LAMA2: variants seen among roughly 807,000 people sequenced by gnomAD.
LAMA2 encodes laminin subunit alpha-2.
A neutral mutation model predicts 364.8 loss-of-function variants in LAMA2; 269 were observed. The observed-to-expected ratio is 0.74, with a 90% CI of 0.67 to 0.82. The LOEUF is 0.82. Ranked by LOEUF, LAMA2 falls within the 40% of genes least tolerant of loss-of-function variation. The pLI, the probability that LAMA2 is intolerant of heterozygous loss-of-function variation, is 0.00. For synonymous variants in LAMA2, 1,379 were observed against 1,370.6 expected, an observed-to-expected ratio of 1.01 and a Z score of -0.14; for missense variants, 3,807 against 3,873.2, an observed-to-expected ratio of 0.98 and a Z score of 0.45.
chr6:129,017,776 T>C (rs933426437), intron 1 of LAMA2, among the ~76,000 whole-genome samples: 2 of 152,134 alleles, frequency 1.3e-5, no homozygotes, highest in Admixed American at 1.3e-4. Flanking sequence ...AACGCCATTA[T>C]TTCATTTATT....
chr6:129,226,119 G>A (rs1362896028), intron 12 of LAMA2, among the ~76,000 whole-genome samples: 1 of 152,072 alleles, frequency 6.6e-6, no homozygotes, highest in East Asian at 1.9e-4. Flanking sequence ...GATCTTTGTT[G>A]GTTTAATGTC....
At chr6:129,172,858 A>G (rs1417761300) in intron 9 of LAMA2, among the ~76,000 whole-genome samples, 2 of 152,246 alleles carry the variant, frequency 1.3e-5, no homozygotes, top group Non-Finnish European at 2.9e-5. Flanking sequence ...AGCCAGGTGC[A>G]GGATATAATC....
At chr6:129,019,227 C>A (rs1299357418) in intron 1 of LAMA2, among the ~76,000 whole-genome samples, 2 of 151,890 alleles carry the variant, frequency 1.3e-5, no homozygotes, top group Non-Finnish European at 2.9e-5. Flanking sequence ...TAACTCATTG[C>A]AATATACAAA....
At chr6:129,050,184 C>A in intron 2 of LAMA2, 96 bp downstream of exon 2, 1 of 1,186,432 alleles carries the variant, frequency 8.4e-7, no homozygotes, top group Middle Eastern at 2.5e-4. Context: ...GTTTGTAATA[C>A]TAAGAATTCC....
At chr6:129,010,840 G>A (rs1784726692) in intron 1 of LAMA2, among the ~76,000 whole-genome samples, 1 of 152,130 alleles carries the variant, frequency 6.6e-6, no homozygotes, top group South Asian at 2.1e-4. Context: ...TAGAGCTAAA[G>A]CAAATCTTGT....
intron 3 of LAMA2, among the ~76,000 whole-genome samples, chr6:129,084,005 A>G (rs1048265224): frequency 6.6e-6 from 1 of 152,086 alleles, no homozygotes; most frequent in Non-Finnish European, 1.5e-5. Context: ...TTTCTTTACC[A>G]CTCTATATTA....
chr6:128,995,379 T>C (rs1314805909), intron 1 of LAMA2, among the ~76,000 whole-genome samples: 1 of 152,224 alleles, frequency 6.6e-6, no homozygotes, highest in Non-Finnish European at 1.5e-5. Flanking sequence ...TGGAGTGCAG[T>C]GGCACGATCT....
At chr6:129,051,953 G>A (rs1788077203) in intron 2 of LAMA2, among the ~76,000 whole-genome samples, 1 of 150,272 alleles carries the variant, frequency 6.7e-6, no homozygotes, top group Non-Finnish European at 1.5e-5. Context: ...GGGAGAATTA[G>A]AGAGATAAAA....
intron 22 of LAMA2, among the ~76,000 whole-genome samples, chr6:129,306,589 A>AT (rs1258291921): frequency 2.0e-5 from 3 of 151,194 alleles, no homozygotes; most frequent in African/African-American, 7.3e-5. Flanking sequence ...TCTGGAAATC[A>AT]TTTTTTGTAT....
chr6:129,209,260 T>G (rs188041518), intron 12 of LAMA2, among the ~76,000 whole-genome samples: 4 of 152,346 alleles, frequency 2.6e-5, no homozygotes, highest in African/African-American at 9.6e-5. Context: ...TGTAAATATG[T>G]TAATATCTAA....
At chr6:128,929,297 A>G in intron 1 of LAMA2, 2 of 1,266,918 alleles carry the variant, frequency 1.6e-6, no homozygotes, top group South Asian at 1.2e-5. Context: ...CCCTGCCCAC[A>G]TGTCCCACAG....
intron 12 of LAMA2, among the ~76,000 whole-genome samples, chr6:129,225,353 A>G (rs1364695251): frequency 1.3e-5 from 2 of 151,978 alleles, no homozygotes; most frequent in African/African-American, 2.4e-5. Context: ...CTCTGATCTT[A>G]GTTATTTCTT....
chr6:129,177,823 G>A lies in LAMA2; in HGVS notation c.1424G>A (p.Gly475Glu). ...DCKACNCSGL[G>E]SKNEDPCFGP... ...AAAGCCTGTAACTGCAGTGGGTTAG[G>A]GAGCAAAAATGAGGATCCTTGTTTT... The change falls in exon 10 of 65, where the codon GGG (glycine) becomes GAG (glutamate). Residue 475 changes from glycine (G) to glutamate (E), a missense_variant. Gly to Glu is a moderately conservative substitution (Grantham distance 98). This residue lies in a region of LAMA2 where 3,333 missense variants were observed against 3,345.7 expected (regional missense o/e 1.00). Coordinates refer to ENST00000421865, the MANE Select transcript of LAMA2 (RefSeq NM_000426.4). 1.2e-6 allele frequency: 2 copies of A among 1,613,894 alleles called. No homozygotes were observed. The highest frequency in any genetic ancestry group is 1.7e-6 in the Non-Finnish European group (2 of 1,179,930).
chr6:129,394,304 A>G (rs577326496), intron 37 of LAMA2, among the ~76,000 whole-genome samples: 6 of 152,268 alleles, frequency 3.9e-5, no homozygotes, highest in East Asian at 1.9e-4. Flanking sequence ...ACCCTCTGGC[A>G]TATAGTATGT....
chr6:129,380,368 G>A (rs1778609616), intron 34 of LAMA2, among the ~76,000 whole-genome samples: 1 of 152,144 alleles, frequency 6.6e-6, no homozygotes, highest in African/African-American at 2.4e-5. Context: ...AACAACTTTA[G>A]AGAATATTTA....
At chr6:129,448,966 C>A (rs2114780837) in intron 45 of LAMA2, among the ~76,000 whole-genome samples, 1 of 152,218 alleles carries the variant, frequency 6.6e-6, no homozygotes, top group Non-Finnish European at 1.5e-5. Flanking sequence ...TTTTGATTTA[C>A]CTGATTTCTT....
intron 31 of LAMA2, among the ~76,000 whole-genome samples, chr6:129,351,153 G>A (rs1312063904): frequency 1.3e-5 from 2 of 151,846 alleles, no homozygotes; most frequent in Non-Finnish European, 2.9e-5. Flanking sequence ...TAAAAGCATC[G>A]CTGGACACCA....
At chr6:129,099,953 G>T (rs1034635221) in intron 4 of LAMA2, among the ~76,000 whole-genome samples, 1 of 152,178 alleles carries the variant, frequency 6.6e-6, no homozygotes, top group Non-Finnish European at 1.5e-5. Flanking sequence ...AGGGAGTGCA[G>T]AAAGAGTTTT....
intron 22 of LAMA2, among the ~76,000 whole-genome samples, chr6:129,304,552 C>T (rs57994127): frequency 0.011 from 1,750 of 152,306 alleles, 27 homozygotes; most frequent in African/African-American, 0.04. Flanking sequence ...CGTGAGCCAC[C>T]GTGCCCGGCC....
Sources: allele counts gnomAD v4.1 joint callset (sites outside exome capture counted in the v4.1 genomes callset), GRCh38; gene constraint gnomAD v4.1.1; regional missense constraint gnomAD v4.1.1; transcripts MANE v1.5; gene names NCBI Gene and HGNC (gene_info 2026-07-23, HGNC 2026-07-21).